TAB2: variants seen among roughly 807,000 people sequenced by gnomAD.
TAB2 encodes the protein TGF-beta activated kinase 1 (MAP3K7) binding protein 2, also known as TGF-beta-activated kinase 1 and MAP3K7-binding protein 2.
Under a neutral mutation model 65.0 loss-of-function variants are expected in TAB2, and 3 were observed. That is an observed-to-expected ratio of 0.05 (90% CI 0.02 to 0.12). The LOEUF is 0.12. TAB2 is among the 10% of genes least tolerant of loss of function. The pLI is 1.00. For missense variants in TAB2, 623 were observed against 840.3 expected, an observed-to-expected ratio of 0.74 and a Z score of 3.20; for synonymous variants, 298 against 285.1, an observed-to-expected ratio of 1.05 and a Z score of -0.46.
intron 1 of TAB2, among the ~76,000 whole-genome samples, chr6:149,235,605 A>T (rs913559473): frequency 2.6e-5 from 4 of 152,226 alleles, no homozygotes; most frequent in Non-Finnish European, 5.9e-5. Context: ...AGCTAGGCCG[A>T]GGAACCAGAC....
intron 6 of TAB2, among the ~76,000 whole-genome samples, chr6:149,407,698 ATG>A (rs545046545): frequency 5.6e-4 from 85 of 152,188 alleles, no homozygotes; most frequent in African/African-American, 2.0e-3. Context: ...CTAAAATTAA[ATG>A]TGTTTAGACC....
intron 3 of TAB2, among the ~76,000 whole-genome samples, chr6:149,391,362 C>T (rs73779333): frequency 0.024 from 3,592 of 152,000 alleles, 131 homozygotes; most frequent in African/African-American, 0.083. Flanking sequence ...GTGGACTCCT[C>T]CATTTTAGAG....
At chr6:149,400,433 C>A in intron 6 of TAB2, 1 of 1,614,214 alleles carries the variant, frequency 6.2e-7, no homozygotes, top group Non-Finnish European at 8.5e-7. Context: ...AGACTGAGAA[C>A]AACAATCATA....
intron 1 of TAB2, among the ~76,000 whole-genome samples, chr6:149,339,788 G>A (rs59181586): frequency 0.041 from 6,194 of 151,656 alleles, 436 homozygotes; most frequent in African/African-American, 0.14. Context: ...TAGTAGAGAC[G>A]GGGTTTTACC....
intron 1 of TAB2, among the ~76,000 whole-genome samples, chr6:149,331,987 G>C (rs1432369518): frequency 6.6e-6 from 1 of 152,150 alleles, no homozygotes; most frequent in Non-Finnish European, 1.5e-5. Flanking sequence ...ATCAGATTTT[G>C]GATATGTTTC....
chr6:149,349,168 C>T (rs539521651), intron 1 of TAB2, among the ~76,000 whole-genome samples: 62 of 151,842 alleles, frequency 4.1e-4, no homozygotes, highest in Non-Finnish European at 8.2e-4. Context: ...CGCCTGTAAC[C>T]CCAGTGCTTT....
chr6:149,251,921 T>C (rs1055346133), intron 1 of TAB2, among the ~76,000 whole-genome samples: 3 of 152,250 alleles, frequency 2.0e-5, no homozygotes, highest in African/African-American at 7.2e-5. Flanking sequence ...AAGGAATTAA[T>C]GTACAAGAAC....
At chr6:149,227,589 G>A (rs73781713) in intron 1 of TAB2, among the ~76,000 whole-genome samples, 7,676 of 152,242 alleles carry the variant, frequency 0.05, 297 homozygotes, top group South Asian at 0.13. Flanking sequence ...GATGTCACTC[G>A]GGGGTGAGGC....
rs533077968 is a variant in TAB2 at position 149,341,478 on chromosome 6, T to G, written c.-90+23463T>G. On this transcript the variant is annotated intron_variant, in intron 1 of 6. Transcript: ENST00000637181. ...AATGCAGAAAAATATATTGAATGCC[T>G]ATATGTGCCACACTGTTAAGTGCTT... 3.9e-5 allele frequency among the ~76,000 whole-genome samples: 6 copies of G among 152,204 alleles called. No individual in the cohort carries two copies. In the South Asian group the frequency reaches 1.2e-3, roughly 31 times the overall value.
In TAB2 at chr6:149,397,747, A is replaced by C; in HGVS notation, c.1747A>C (p.Ile583Leu). 6.2e-7 allele frequency: 1 copy of C among 1,613,528 alleles called. No homozygotes were observed. Among genetic ancestry groups the C allele is most frequent in the Non-Finnish European group, 8.5e-7 (1 of 1,180,004 alleles). ...TRRRLKRSNS[I>L]SQIPSLEEMQ... is the part of the protein sequence containing the mutation. ...AAGGCGCCTGAAAAGATCAAATTCT[A>C]TATCCCAGATACCTTCCGTAAGTCT... Residue 583 changes from isoleucine to leucine, a missense_variant, in exon 4 of 7, where the codon ATA (isoleucine) becomes CTA (leucine). Ile to Leu is a conservative substitution (Grantham distance 5, BLOSUM62 2). Coordinates refer to ENST00000637181, the MANE Select transcript of TAB2 (RefSeq NM_001292034.3).
intron 1 of TAB2, among the ~76,000 whole-genome samples, chr6:149,285,000 G>A (rs1221289419): frequency 6.6e-6 from 1 of 152,122 alleles, no homozygotes; most frequent in Non-Finnish European, 1.5e-5. Context: ...CGCTGTTTTG[G>A]AATCTGGGGC....
chr6:149,390,888 G>T (rs1403443665), intron 3 of TAB2, among the ~76,000 whole-genome samples: 1 of 152,104 alleles, frequency 6.6e-6, no homozygotes, highest in East Asian at 1.9e-4. Flanking sequence ...TTTAATTTTT[G>T]TTGTTGTTGT....
intron 1 of TAB2, among the ~76,000 whole-genome samples, chr6:149,236,905 C>T (rs999518354): frequency 3.3e-5 from 5 of 152,196 alleles, no homozygotes; most frequent in Non-Finnish European, 7.3e-5. Context: ...ATAATCTTTT[C>T]CTTTGACTTT....
At chr6:149,386,964 C>T (rs1358851485) in intron 3 of TAB2, among the ~76,000 whole-genome samples, 2 of 152,080 alleles carry the variant, frequency 1.3e-5, no homozygotes, top group Non-Finnish European at 2.9e-5. Context: ...TTAGGTTATT[C>T]ATCTTTATTG....
intron 1 of TAB2, among the ~76,000 whole-genome samples, chr6:149,287,388 A>G (rs1778694796): frequency 6.6e-6 from 1 of 152,196 alleles, no homozygotes; most frequent in Admixed American, 6.5e-5. Context: ...TGCCCGAACT[A>G]GAAATGCTCC....
upstream of TAB2, among the ~76,000 whole-genome samples, chr6:149,317,366 G>A (rs1404959408): frequency 6.6e-6 from 1 of 151,710 alleles, no homozygotes; most frequent in African/African-American, 2.4e-5. The surrounding 1 kb of genome is among the most constrained non-coding windows in gnomAD (Gnocchi z 4.7). Flanking sequence ...GACTGCGAGT[G>A]TCGGGGGAGG....
At chr6:149,407,890 T>C (rs1782721065) in intron 6 of TAB2, among the ~76,000 whole-genome samples, 2 of 152,172 alleles carry the variant, frequency 1.3e-5, no homozygotes, top group South Asian at 4.1e-4. Flanking sequence ...CCTTAGATAT[T>C]ACTTAAATAA....
chr6:149,286,021 C>A (rs1410597145), intron 1 of TAB2, among the ~76,000 whole-genome samples: 1 of 152,034 alleles, frequency 6.6e-6, no homozygotes, highest in Non-Finnish European at 1.5e-5. Flanking sequence ...AAGAAAAGGA[C>A]CACAAATATA....
At chr6:149,346,096 A>T (rs983556687) in intron 1 of TAB2, among the ~76,000 whole-genome samples, 1 of 152,188 alleles carries the variant, frequency 6.6e-6, no homozygotes, top group Non-Finnish European at 1.5e-5. Context: ...TTTAATTCAT[A>T]TAGCTGGATA....
Sources: gnomAD v4.1 joint callset for allele counts (sites outside exome capture counted in the v4.1 genomes callset) on GRCh38, gnomAD v4.1.1 for gene constraint, Gnocchi (gnomAD v3.1) non-coding constraint, MANE v1.5 for transcripts, NCBI Gene and HGNC (gene_info 2026-07-23, HGNC 2026-07-21) for gene names.